Variants in SIK2 observed in about 807,000 individuals in gnomAD.
SIK2 encodes salt inducible kinase 2, also known as serine/threonine-protein kinase SIK2.
SIK2 carries 29 observed loss-of-function variants against 103.2 expected under a neutral mutation model. The ratio of observed to expected loss-of-function variants is 0.28; its 90% CI spans 0.21 to 0.38. SIK2 has a LOEUF of 0.38. Ranked by LOEUF, SIK2 falls within the 10% of genes least tolerant of loss-of-function variation. The pLI is 1.00. For missense variants in SIK2, 879 were observed against 1,171.0 expected (o/e 0.75, Z 3.64); for synonymous variants, 412 against 446.1 (o/e 0.92, Z 0.96).
intron 3 of SIK2, among the ~76,000 whole-genome samples, chr11:111,677,454 GCCAC>G (rs1942718007): frequency 1.3e-5 from 2 of 152,086 alleles, no homozygotes; most frequent in African/African-American, 4.8e-5. Context: ...GTCTTACTCT[GCCAC>G]CCAGGCTGGA....
intron 4 of SIK2, among the ~76,000 whole-genome samples, chr11:111,694,897 T>C (rs1943033960): frequency 6.6e-6 from 1 of 152,186 alleles, no homozygotes; most frequent in Non-Finnish European, 1.5e-5. Context: ...ACTGGACAAA[T>C]AGATGTCTTA....
At chr11:111,632,700 T>A (rs1942055250) in intron 3 of SIK2, among the ~76,000 whole-genome samples, 1 of 152,130 alleles carries the variant, frequency 6.6e-6, no homozygotes, top group Admixed American at 6.6e-5. Flanking sequence ...GCCTTAGAGT[T>A]CTTTGAACTT....
Position 111,602,677 on chromosome 11 carries a change from G to T in SIK2, c.114G>T (p.Arg38=). The part of the protein sequence containing the change: ...KGNFAVVKLG[R]HRITKTEVAI... ...ACTTCGCTGTGGTGAAGCTGGGGCG[G>T]CACCGGATCACCAAGACGGAGGTGC... The change falls in exon 1 of 15, where the codon CGG becomes CGT. Residue 38 remains arginine (R), a synonymous_variant. Transcript: ENST00000304987. The surrounding 1 kb of genome is among the most constrained non-coding windows in gnomAD (Gnocchi z 4.5). 6.6e-7 allele frequency: 1 copy of T among 1,524,908 alleles called. No homozygotes were observed. The highest frequency in any genetic ancestry group is 1.2e-5 in the South Asian group (1 of 81,726). The allele number at this position is 1,524,908 out of a possible 1,614,324, so 94.5% of individuals were successfully genotyped here.
intron 4 of SIK2, among the ~76,000 whole-genome samples, chr11:111,689,305 G>A (rs911559440): frequency 2.0e-5 from 3 of 152,174 alleles, no homozygotes; most frequent in Non-Finnish European, 4.4e-5. Context: ...ATGGGTAGGG[G>A]TAAAGTGGAA....
chr11:111,608,982 T>G (rs991373487), intron 1 of SIK2, among the ~76,000 whole-genome samples: 1 of 132,638 alleles, frequency 7.5e-6, no homozygotes, highest in Non-Finnish European at 1.7e-5. Flanking sequence ...GAAAATAATA[T>G]TCTTCATTAC....
At chr11:111,714,818 A>C (rs1943594406) in intron 9 of SIK2, among the ~76,000 whole-genome samples, 1 of 152,186 alleles carries the variant, frequency 6.6e-6, no homozygotes. Context: ...GGATGAGTCC[A>C]CTGCCTAGGG....
At chr11:111,694,901 T>C (rs1236033580) in intron 4 of SIK2, among the ~76,000 whole-genome samples, 1 of 152,228 alleles carries the variant, frequency 6.6e-6, no homozygotes, top group Non-Finnish European at 1.5e-5. Context: ...GACAAATAGA[T>C]GTCTTACATT....
Position 111,720,019 on chromosome 11 carries a change from G to A in SIK2, c.1495+16G>A, listed in dbSNP as rs189292969. The A allele has an allele frequency of 7.3e-5, 117 of 1,604,742 alleles. No individual in the cohort carries two copies. The highest frequency in any genetic ancestry group is 2.1e-4 in the African/African-American group (16 of 74,874). ...CCTGGGGCAGGTACGGTAGAGGAGC[G>A]ACACTAGCTTGAGTCTTCATGGCAT... On this transcript the variant is annotated intron_variant, in intron 10 of 14. Coordinates refer to ENST00000304987, the MANE Select transcript of SIK2 (RefSeq NM_015191.3).
chr11:111,645,445 A>G (rs1942242548), intron 3 of SIK2, among the ~76,000 whole-genome samples: 1 of 152,248 alleles, frequency 6.6e-6, no homozygotes, highest in Non-Finnish European at 1.5e-5. Context: ...AAGCAGACAC[A>G]GAAGAATACC....
At chr11:111,697,854 A>G (rs1943114768) in intron 4 of SIK2, among the ~76,000 whole-genome samples, 1 of 152,080 alleles carries the variant, frequency 6.6e-6, no homozygotes, top group African/African-American at 2.4e-5. Context: ...AAAAAAGGAA[A>G]AAAAAATTAG....
At chr11:111,610,255 C>G (rs941160078) in intron 1 of SIK2, among the ~76,000 whole-genome samples, 1 of 151,990 alleles carries the variant, frequency 6.6e-6, no homozygotes, top group Non-Finnish European at 1.5e-5. Flanking sequence ...TTTGGGGGGC[C>G]GAGGCGGGTG....
rs762156824 is a variant in SIK2 at position 111,719,937 on chromosome 11, C to T, written c.1429C>T (p.Arg477Cys). The T allele has an allele frequency of 5.0e-6, 8 of 1,614,152 alleles. No individual in the cohort carries two copies. Among genetic ancestry groups the T allele is most frequent in the Non-Finnish European group, 5.9e-6 (7 of 1,180,022 alleles). Residue 477 changes from arginine to cysteine, a missense_variant, in exon 10 of 15, where the codon CGC (arginine) becomes TGC (cysteine). Coordinates refer to ENST00000304987, the MANE Select transcript of SIK2 (RefSeq NM_015191.3). ...AHAFEAFQST[R>C]SGQRRHTLSE... ...TGCCTTTGAGGCATTTCAGTCCACA[C>T]GCAGCGGGCAGAGACGGCACACTCT... is the stretch of plus-strand genomic sequence containing the variant.
chr11:111,721,965 A>C, intron 13 of SIK2, 25 bp downstream of exon 13: 1 of 1,511,810 alleles, frequency 6.6e-7, no homozygotes, highest in Non-Finnish European at 8.9e-7. Flanking sequence ...TTGCGAGTCC[A>C]CCTCACTCTG....
chr11:111,695,048 C>T (rs919663077), intron 4 of SIK2, among the ~76,000 whole-genome samples: 5 of 152,154 alleles, frequency 3.3e-5, no homozygotes, highest in African/African-American at 7.2e-5. Flanking sequence ...TATGCATTGA[C>T]GTCAGTGTTG....
At position 111,723,857 on chromosome 11, in the gene SIK2, G is replaced by A. The variant is rs1483395886; in HGVS notation, c.2509G>A (p.Ala837Thr). 4 of 1,613,312 alleles carry A rather than the reference G, an allele frequency of 2.5e-6. No homozygotes were observed. Among genetic ancestry groups the A allele is most frequent in the South Asian group, 2.2e-5 (2 of 91,058 alleles). The change falls in exon 15 of 15, where the codon GCT becomes ACT. Residue 837 changes from alanine (A) to threonine (T), a missense_variant. By Grantham distance (58) the Ala-to-Thr change is moderately conservative. Transcript: ENST00000304987. ...CCCTCCACCACCACGACAGCCAGGA[G>A]CTGCCCCAGCCCCCTTACAGTTCTC... ...PPPPPPRQPG[A>T]APAPLQFSYQ... is the part of the protein sequence containing the mutation.
chr11:111,701,440 T>A lies in SIK2; in HGVS notation c.604-12T>A, dbSNP rs1415645904. 1.9e-6 allele frequency: 3 copies of A among 1,610,268 alleles called. No homozygotes were observed. The East Asian group carries it at 6.7e-5, about 36-fold the overall frequency. On this transcript the variant is annotated splice_polypyrimidine_tract_variant and intron_variant, in intron 5 of 14. Transcript: ENST00000304987. This position sits in a 1 kb window ranked among gnomAD's most constrained non-coding sequence, Gnocchi z 4.2. ...CTTGGTAGAAAAGTCTCTGCATTGTTTTCTTCCCTAGAGTATGGGAGTTGT... is the reference window on the plus strand; with the variant it reads ...CTTGGTAGAAAAGTCTCTGCATTGTATTCTTCCCTAGAGTATGGGAGTTGT...
intron 3 of SIK2, among the ~76,000 whole-genome samples, chr11:111,643,403 AC>A (rs1942209794): frequency 6.6e-6 from 1 of 152,080 alleles, no homozygotes; most frequent in Non-Finnish European, 1.5e-5. Context: ...GCAGCAAACC[AC>A]CATGGCACAC....
In SIK2 at chr11:111,720,002, A is replaced by C; in HGVS notation, c.1494A>C (p.Ala498=). Residue 498 remains alanine (A), a splice_region_variant and synonymous_variant, in exon 10 of 15, where the codon GCA becomes GCC. Transcript: ENST00000304987. Reference sequence around the variant, plus strand: ...ATCAACTGGTCGTGATGCCTGGGGCAGGTACGGTAGAGGAGCGACACTAGC... The same window carrying C: ...ATCAACTGGTCGTGATGCCTGGGGCCGGTACGGTAGAGGAGCGACACTAGC... ...VTNQLVVMPG[A]GKIFSMNDSP... is the part of the protein sequence containing the mutation. 6.2e-7 allele frequency: 1 copy of C among 1,612,720 alleles called. No homozygotes were observed. The highest frequency in any genetic ancestry group is 8.5e-7 in the Non-Finnish European group (1 of 1,179,340).
chr11:111,624,296 AT>A (rs1394539554), intron 3 of SIK2, among the ~76,000 whole-genome samples: 1 of 152,086 alleles, frequency 6.6e-6, no homozygotes, highest in Non-Finnish European at 1.5e-5. Flanking sequence ...CTTTTGCTTA[AT>A]TTTTTCTTTT....
Sources: gnomAD v4.1 joint callset for allele counts (sites outside exome capture counted in the v4.1 genomes callset) on GRCh38, gnomAD v4.1.1 for gene constraint, Gnocchi (gnomAD v3.1) non-coding constraint, MANE v1.5 for transcripts, NCBI Gene and HGNC (gene_info 2026-07-23, HGNC 2026-07-21) for gene names.